ADAMTS20: variants seen among roughly 807,000 people sequenced by gnomAD.
ADAMTS20 encodes A disintegrin and metalloproteinase with thrombospondin motifs 20.
Under a neutral mutation model 260.1 loss-of-function variants are expected in ADAMTS20, and 225 were observed. That is an observed-to-expected ratio of 0.87 (90% CI 0.78 to 0.97). ADAMTS20 has a LOEUF of 0.97. ADAMTS20 is among the 50% of genes least tolerant of loss of function. ADAMTS20 has a pLI of 0.00. For missense variants in ADAMTS20, 2,400 were observed against 2,337.7 expected (o/e 1.03, Z -0.55); for synonymous variants, 802 against 769.5 (o/e 1.04, Z -0.70).
intron 36 of ADAMTS20, 122 bp downstream of exon 36, chr12:43,375,257 G>T: frequency 6.7e-6 from 6 of 896,242 alleles, no homozygotes; most frequent in Non-Finnish European, 7.7e-6. Context: ...AAAAAAGTAA[G>T]TAATTTTTGC....
At chr12:43,488,396 C>A (rs1305269478) in intron 7 of ADAMTS20, among the ~76,000 whole-genome samples, 1 of 152,104 alleles carries the variant, frequency 6.6e-6, no homozygotes, top group East Asian at 1.9e-4. Context: ...GTAGATGATG[C>A]AACCCACACA....
intron 3 of ADAMTS20, among the ~76,000 whole-genome samples, chr12:43,506,790 T>C (rs1942850081): frequency 2.0e-5 from 3 of 152,060 alleles, no homozygotes; most frequent in African/African-American, 7.2e-5. Context: ...CTTTTTTTTT[T>C]TTTTTTTACC....
chr12:43,533,456 A>G (rs1943254154), intron 2 of ADAMTS20, among the ~76,000 whole-genome samples: 3 of 104,142 alleles, frequency 2.9e-5, no homozygotes, highest in Non-Finnish European at 6.2e-5. Flanking sequence ...ACTACAAACC[A>G]CTGCTCAAGG....
chr12:43,387,433 C>T (rs1252272420), intron 29 of ADAMTS20, among the ~76,000 whole-genome samples: 1 of 152,194 alleles, frequency 6.6e-6, no homozygotes, highest in Non-Finnish European at 1.5e-5. Context: ...TTGACCCCTG[C>T]TGGGAGGTGT....
Position 43,353,868 on chromosome 12 carries a change from T to C in ADAMTS20, c.*341A>G, listed in dbSNP as rs1939686339. On this transcript the variant is annotated 3_prime_UTR_variant, in exon 39 of 39. Transcript: ENST00000389420. ...GTACAAAACTGAGCAGAGATTTACATGTGTGTTTATAGGTATAAAATAAGT... is the reference window on the plus strand; with the variant it reads ...GTACAAAACTGAGCAGAGATTTACACGTGTGTTTATAGGTATAAAATAAGT... 1 of 165,494 alleles carries C rather than the reference T, an allele frequency of 6.0e-6. No individual in the cohort carries two copies. Among genetic ancestry groups the C allele is most frequent in the African/African-American group, 2.4e-5 (1 of 41,924 alleles). 10.3% of individuals were successfully genotyped at this position (165,494 alleles called of 1,614,324 possible).
chr12:43,467,305 A>G (rs1280481247), intron 8 of ADAMTS20, among the ~76,000 whole-genome samples: 1 of 152,072 alleles, frequency 6.6e-6, no homozygotes, highest in East Asian at 1.9e-4. Flanking sequence ...GTGATGCCCA[A>G]CAGAACTAGA....
At position 43,551,653 on chromosome 12, in the gene ADAMTS20, G is replaced by C. The variant is rs1943519244; in HGVS notation, c.91+178C>G. 6.6e-6 allele frequency among the ~76,000 whole-genome samples: 1 copy of C among 152,188 alleles called. No individual in the cohort carries two copies. The stretch of plus-strand genomic sequence containing the variant: ...AGTGCGATGCGTCTTAGGCGCGCGC[G>C]ATTCCTCGAAACCCGGCGCAGTCGC... On this transcript the variant is annotated intron_variant, in intron 1 of 38. Coordinates refer to ENST00000389420, the MANE Select transcript of ADAMTS20 (RefSeq NM_025003.5). The surrounding 1 kb of genome is among the most constrained non-coding windows in gnomAD (Gnocchi z 4.6).
intron 27 of ADAMTS20, 129 bp downstream of exon 27, chr12:43,427,179 C>CA (rs1002451560): frequency 2.5e-4 from 279 of 1,129,786 alleles, no homozygotes; most frequent in Admixed American, 2.6e-4. Context: ...TCTCCAAAAA[C>CA]AAAAAAAACA....
At position 43,434,338 on chromosome 12, in the gene ADAMTS20, T is replaced by A. The variant is rs7302446; in HGVS notation, c.2627A>T (p.Lys876Met). ...LQRRNITCIHKSDHSVVSDKE... is the reference protein window; with the variant it reads ...LQRRNITCIHMSDHSVVSDKE... ...ATCAGACACAACACTATGATCACTC[T>A]TATGTATGCAAGTTATGTTTCTTCG... Residue 876 changes from lysine to methionine, a missense_variant, in exon 19 of 39, where the codon AAG becomes ATG. Transcript: ENST00000389420. 50,469 of 1,590,282 alleles carry A rather than the reference T, an allele frequency of 0.032. 996 individuals carry two copies. Among genetic ancestry groups the A allele is most frequent in the East Asian group, 0.083 (3,661 of 44,260 alleles).
intron 30 of ADAMTS20, 30 bp from the exon 31 acceptor site, chr12:43,383,758 C>T (rs893940343): frequency 1.9e-6 from 3 of 1,613,440 alleles, no homozygotes; most frequent in Non-Finnish European, 1.7e-6. Context: ...ATGAATAACA[C>T]ATTCTTATAT....
intron 28 of ADAMTS20, among the ~76,000 whole-genome samples, chr12:43,412,308 A>G (rs1361639705): frequency 6.6e-6 from 1 of 152,224 alleles, no homozygotes; most frequent in Non-Finnish European, 1.5e-5. Context: ...TAGAGAGAAA[A>G]TTCAGTTGCT....
intron 18 of ADAMTS20, among the ~76,000 whole-genome samples, chr12:43,435,416 G>A (rs1313470696): frequency 1.3e-5 from 2 of 151,884 alleles, no homozygotes; most frequent in Non-Finnish European, 2.9e-5. Flanking sequence ...TGAGGCGGGC[G>A]GATCACGAGG....
At chr12:43,454,763 T>TGAGTTAGTTTCCAGACTATG (rs1592077874) in intron 11 of ADAMTS20, among the ~76,000 whole-genome samples, 1 of 152,204 alleles carries the variant, frequency 6.6e-6, no homozygotes, top group East Asian at 1.9e-4. Context: ...TGCCAGTCTA[T>TGAGTTAGTTTCCAGACTATG]GAATTAGTTT....
chr12:43,452,630 G>A lies in ADAMTS20; in HGVS notation c.1826C>T (p.Ser609Leu), dbSNP rs746057921. Residue 609 changes from serine (S) to leucine (L), a missense_variant, in exon 13 of 39, where the codon TCA (serine) becomes TTA (leucine). Physicochemically the swap from Ser to Leu is moderately radical, Grantham distance 145 (BLOSUM62 -2). Coordinates refer to ENST00000389420, the MANE Select transcript of ADAMTS20 (RefSeq NM_025003.5). Reference protein sequence around the residue: ...RMKFRSCNTDSCPKGTQDFRE... With the variant: ...RMKFRSCNTDLCPKGTQDFRE... ...AAAGTCTTGTGTGCCTTTTGGACAT[G>A]AATCAGTATTACATGATCGAAATTT... is the stretch of plus-strand genomic sequence containing the variant. The A allele has an allele frequency of 6.2e-7, 1 of 1,613,156 alleles. No individual in the cohort carries two copies. The highest frequency in any genetic ancestry group is 2.2e-5 in the East Asian group (1 of 44,864).
At chr12:43,517,200 A>G (rs1943010535) in intron 3 of ADAMTS20, among the ~76,000 whole-genome samples, 1 of 152,062 alleles carries the variant, frequency 6.6e-6, no homozygotes, top group South Asian at 2.1e-4. Context: ...CAGTTCTAGA[A>G]AAACTAGCCA....
At chr12:43,491,638 A>G (rs1249964733) in intron 6 of ADAMTS20, among the ~76,000 whole-genome samples, 3 of 152,210 alleles carry the variant, frequency 2.0e-5, no homozygotes, top group African/African-American at 7.2e-5. Context: ...TAATAATTTT[A>G]TAACAGCAGA....
Position 43,551,704 on chromosome 12 carries a change from AGTCCCGGGAGCTCCAGCAGG to A in ADAMTS20, c.91+107_91+126del. The stretch of plus-strand genomic sequence containing the variant: ...GACCTCTCCGGCTGACTGGTCCGGG[AGTCCCGGGAGCTCCAGCAGG>A]GCCAGCGTTCCCCAACGGGCTGAGC... On this transcript the variant is annotated intron_variant, in intron 1 of 38. Transcript: ENST00000389420. This position sits in a 1 kb window ranked among gnomAD's most constrained non-coding sequence, Gnocchi z 4.6. 1.1e-6 allele frequency: 1 copy of A among 951,206 alleles called. No individual in the cohort carries two copies. The highest frequency in any genetic ancestry group is 1.6e-6 in the Non-Finnish European group (1 of 623,680). 58.9% of individuals were successfully genotyped at this position (951,206 alleles called of 1,614,324 possible). A position where few individuals can be genotyped will look rare whatever the true frequency, so the allele number is the denominator to read the frequency against.
chr12:43,519,669 C>T (rs1368137383), intron 3 of ADAMTS20, among the ~76,000 whole-genome samples: 2 of 152,160 alleles, frequency 1.3e-5, no homozygotes, highest in African/African-American at 4.8e-5. Flanking sequence ...CATTTCTTCT[C>T]CCGGCACACC....
rs779624301 is a variant in ADAMTS20, at chr12:43,399,261, T to G, written c.4285-28A>C. ...AGAAAAGAAATATGAATGCACTTGA[T>G]TCATTTTCTTCTTGATTAATTTAAG... On this transcript the variant is annotated intron_variant, in intron 28 of 38. Transcript: ENST00000389420. The G allele has an allele frequency of 2.1e-6, 3 of 1,421,286 alleles. No individual in the cohort carries two copies. In the South Asian group the frequency reaches 4.9e-5, roughly 23 times the overall value. The allele number at this position is 1,421,286 out of a possible 1,614,324, so 88.0% of individuals were successfully genotyped here.
Sources: gnomAD v4.1 joint callset for allele counts (sites outside exome capture counted in the v4.1 genomes callset) on GRCh38, gnomAD v4.1.1 for gene constraint, Gnocchi (gnomAD v3.1) non-coding constraint, MANE v1.5 for transcripts, NCBI Gene and HGNC (gene_info 2026-07-23, HGNC 2026-07-21) for gene names.